CPLX2: variants seen among roughly 807,000 people sequenced by gnomAD.
CPLX2 encodes complexin 2, also known as complexin-2.
CPLX2 carries 5 observed loss-of-function variants against 16.3 expected under a neutral mutation model. The observed-to-expected ratio is 0.31, with a 90% CI of 0.16 to 0.64. The LOEUF is 0.64. Among genes scored for constraint, CPLX2 ranks in the 30% least tolerant of loss-of-function variants. The pLI, the probability that CPLX2 is intolerant of heterozygous loss-of-function variation, is 0.79. For missense variants in CPLX2, 144 were observed against 181.4 expected, an observed-to-expected ratio of 0.79 and a Z score of 1.18; for synonymous variants, 89 against 73.2, an observed-to-expected ratio of 1.22 and a Z score of -1.10.
chr5:175,818,765 G>A lies in CPLX2; in HGVS notation c.-89+9697G>A, dbSNP rs146383243. ...CAACCTCTGTCTCCCGGGTTCAAGC[G>A]ATTCTCCTGCCTCAGCCTCCCAAGT... On this transcript the variant is annotated intron_variant, in intron 2 of 4. Coordinates refer to the CPLX2 transcript ENST00000359546. 4.6e-3 allele frequency among the ~76,000 whole-genome samples: 670 copies of A among 145,052 alleles called. 3 individuals are homozygous for A. The highest frequency in any genetic ancestry group is 0.016 in the African/African-American group (635 of 39,182).
chr5:175,860,376 T>C (rs1410328635), intron 2 of CPLX2, among the ~76,000 whole-genome samples: 3 of 149,456 alleles, frequency 2.0e-5, no homozygotes, highest in Non-Finnish European at 4.4e-5. Context: ...TGAGCCATGA[T>C]TGTGCCATTG....
At chr5:175,839,847 A>G (rs1274392777) in intron 2 of CPLX2, among the ~76,000 whole-genome samples, 1 of 152,236 alleles carries the variant, frequency 6.6e-6, no homozygotes, top group Non-Finnish European at 1.5e-5. Flanking sequence ...ACATTTTTCC[A>G]TTTTAGGACA....
Position 175,863,684 on chromosome 5 carries a change from T to G in CPLX2, c.-88-14968T>G, listed in dbSNP as rs542296468. Among the ~76,000 whole-genome samples, 10 of 152,216 alleles carry G rather than the reference T, an allele frequency of 6.6e-5. No individual in the cohort carries two copies. In the South Asian group the frequency reaches 1.9e-3, roughly 28 times the overall value. On this transcript the variant is annotated intron_variant, in intron 2 of 4. Transcript: ENST00000359546. ...TAAAAGGGAGTTTTGTTTTATTTTG[T>G]TTTTTTGCCAGGAAGAAACAACTGG...
At chr5:175,867,105 G>A (rs1235714486), upstream of CPLX2, among the ~76,000 whole-genome samples, 1 of 152,090 alleles carries the variant, frequency 6.6e-6, no homozygotes, top group African/African-American at 2.4e-5. Context: ...GAAAGGTGCT[G>A]GGGCTTTTGC....
chr5:175,819,047 C>T (rs574491761), intron 2 of CPLX2, among the ~76,000 whole-genome samples: 41 of 152,282 alleles, frequency 2.7e-4, no homozygotes, highest in African/African-American at 7.2e-4. Context: ...TGCTCAGCGA[C>T]GTTGGAGAGT....
intron 2 of CPLX2, among the ~76,000 whole-genome samples, chr5:175,852,506 T>C (rs946121496): frequency 8.5e-5 from 13 of 152,362 alleles, no homozygotes; most frequent in Non-Finnish European, 1.3e-4. Flanking sequence ...GTTCTTGCTT[T>C]CTGTGCCAGG....
intron 1 of CPLX2, among the ~76,000 whole-genome samples, chr5:175,799,821 C>T (rs570085306): frequency 1.3e-5 from 2 of 151,838 alleles, no homozygotes; most frequent in African/African-American, 2.4e-5. Context: ...AGGCATGAAC[C>T]ATCCCACCCA....
intron 2 of CPLX2, among the ~76,000 whole-genome samples, chr5:175,855,119 A>AGG (rs1267456728): frequency 6.6e-6 from 1 of 152,254 alleles, no homozygotes; most frequent in Non-Finnish European, 1.5e-5. Flanking sequence ...TGGGGATTAA[A>AGG]GGGCATGACA....
At position 175,845,185 on chromosome 5, in the gene CPLX2, C is replaced by T. The variant is rs1759018929; in HGVS notation, c.-88-33467C>T. 1.3e-5 allele frequency among the ~76,000 whole-genome samples: 2 copies of T among 152,256 alleles called. No individual in the cohort carries two copies. Among genetic ancestry groups the T allele is most frequent in the African/African-American group, 4.8e-5 (2 of 41,464 alleles). On this transcript the variant is annotated intron_variant, in intron 2 of 4. Transcript: ENST00000359546. This position sits in a 1 kb window ranked among gnomAD's most constrained non-coding sequence, Gnocchi z 4.0. ...CACAACCACTCTGTGTGGGAGTCAACAGCAGACACCTTTTCCAAACCAGAA... is the reference window on the plus strand; with the variant it reads ...CACAACCACTCTGTGTGGGAGTCAATAGCAGACACCTTTTCCAAACCAGAA...
intron 2 of CPLX2, among the ~76,000 whole-genome samples, chr5:175,852,538 T>A (rs1160674728): frequency 1.3e-5 from 2 of 152,200 alleles, no homozygotes; most frequent in African/African-American, 4.8e-5. Flanking sequence ...GGCACGTACA[T>A]TCACACACTG....
chr5:175,870,402 T>C (rs551223258), upstream of CPLX2, among the ~76,000 whole-genome samples: 3 of 152,274 alleles, frequency 2.0e-5, no homozygotes, highest in East Asian at 5.8e-4. Context: ...TCTGCAGCTC[T>C]TGTTGCCCCT....
Position 175,842,703 on chromosome 5 carries a change from C to T in CPLX2, c.-89+33635C>T, listed in dbSNP as rs532030324. Among the ~76,000 whole-genome samples the T allele has an allele frequency of 7.2e-5, 11 of 152,368 alleles. No individual in the cohort carries two copies. In the East Asian group the frequency reaches 2.1e-3, roughly 29 times the overall value. On this transcript the variant is annotated intron_variant, in intron 2 of 4. Transcript: ENST00000359546. ...GGCCCTTCTCACCCACCTGCACTTG[C>T]AGGACAGCTGCTCGGTGGCCCCAGC...
intron 2 of CPLX2, among the ~76,000 whole-genome samples, chr5:175,812,024 C>T (rs184610584): frequency 2.2e-4 from 34 of 152,320 alleles, no homozygotes; most frequent in East Asian, 5.8e-4. Flanking sequence ...AGGCTGGGAA[C>T]CAGGCAGAGT....
At chr5:175,812,724 G>A (rs1349375005) in intron 2 of CPLX2, among the ~76,000 whole-genome samples, 1 of 152,122 alleles carries the variant, frequency 6.6e-6, no homozygotes, top group African/African-American at 2.4e-5. Context: ...AGCATCCTGG[G>A]CTTCTAAGAA....
At chr5:175,871,945 T>C (rs1759633284) in intron 1 of CPLX2, 1 of 152,188 alleles carries the variant, frequency 6.6e-6, no homozygotes, top group Non-Finnish European at 1.5e-5. Flanking sequence ...AGCAGGCAGC[T>C]AGCTGCGAAC....
At chr5:175,802,916 C>T (rs1321853120) in intron 1 of CPLX2, among the ~76,000 whole-genome samples, 1 of 152,010 alleles carries the variant, frequency 6.6e-6, no homozygotes. Context: ...ACTGCAACAT[C>T]CACCTCCCAG....
At chr5:175,867,051 G>A (rs1469511024), upstream of CPLX2, among the ~76,000 whole-genome samples, 1 of 152,092 alleles carries the variant, frequency 6.6e-6, no homozygotes, top group East Asian at 1.9e-4. Flanking sequence ...CTCCAGCCTG[G>A]GCAACAGAGC....
intron 2 of CPLX2, among the ~76,000 whole-genome samples, chr5:175,840,168 A>T (rs564360901): frequency 5.9e-5 from 9 of 152,310 alleles, no homozygotes; most frequent in Non-Finnish European, 1.2e-4. Context: ...TTTTTAAAGG[A>T]AAGTCTTCAG....
intron 1 of CPLX2, chr5:175,873,105 T>TCCCACCCACC (rs1230263812): frequency 1.4e-4 from 3 of 21,290 alleles, no homozygotes; most frequent in East Asian, 3.9e-3. Context: ...CCACCCCCAC[T>TCCCACCCACC]CCCACCCACC....
Sources: gnomAD v4.1 joint callset for allele counts (sites outside exome capture counted in the v4.1 genomes callset) on GRCh38, gnomAD v4.1.1 for gene constraint, Gnocchi (gnomAD v3.1) non-coding constraint, MANE v1.5 for transcripts, NCBI Gene and HGNC (gene_info 2026-07-23, HGNC 2026-07-21) for gene names.